OPRM1: variants seen among roughly 807,000 people sequenced by gnomAD.
The protein encoded by OPRM1 is opioid receptor mu 1.
In OPRM1, 27 loss-of-function variants were observed where a neutral mutation model predicts 31.8. The ratio of observed to expected loss-of-function variants is 0.85; its 90% CI spans 0.63 to 1.17. The LOEUF (loss-of-function observed/expected upper bound fraction) is 1.17, where lower values mean the gene tolerates loss of function less well. OPRM1 is among the 50% of genes most tolerant of loss of function. OPRM1 has a pLI of 0.00. For synonymous variants in OPRM1, 196 were observed against 189.9 expected (o/e 1.03, Z -0.26); for missense variants, 536 against 511.1 (o/e 1.05, Z -0.47).
chr6:154,028,416 G>C (rs1252486800), intron 1 of OPRM1, among the ~76,000 whole-genome samples: 1 of 152,128 alleles, frequency 6.6e-6, no homozygotes, highest in Admixed American at 6.5e-5. Flanking sequence ...ATCTCTCTTG[G>C]AACTGTGAGC....
rs199564389 is a variant in OPRM1, at chr6:154,090,082, C to G, written c.547C>G (p.Pro183Ala). The G allele has an allele frequency of 3.1e-6, 5 of 1,614,106 alleles. No individual in the cohort carries two copies. The Admixed American group carries it at 5.0e-5, about 16-fold the overall frequency. Residue 183 changes from proline to alanine, a missense_variant, in exon 2 of 4, where the codon CCC becomes GCC. Transcript: ENST00000330432. ...TGTCAAGGCCTTAGATTTCCGTACT[C>G]CCCGAAATGCCAAAATTATCAATGT... ...HPVKALDFRT[P>A]RNAKIINVCN...
chr6:154,096,926 T>C (rs1484069529), intron 3 of OPRM1, among the ~76,000 whole-genome samples: 3 of 152,324 alleles, frequency 2.0e-5, no homozygotes, highest in East Asian at 3.9e-4. Context: ...AGAATCTGCC[T>C]TTTAAATAAA....
chr6:154,053,256 C>T (rs1195428368), intron 1 of OPRM1, among the ~76,000 whole-genome samples: 1 of 152,202 alleles, frequency 6.6e-6, no homozygotes, highest in African/African-American at 2.4e-5. Context: ...AAAATGGAAA[C>T]TGTCATCTGC....
At chr6:154,029,659 G>C (rs1041054901) in intron 1 of OPRM1, among the ~76,000 whole-genome samples, 1 of 152,154 alleles carries the variant, frequency 6.6e-6, no homozygotes, top group Admixed American at 6.5e-5. Flanking sequence ...GTTTGGCTGT[G>C]TCCTGACCCA....
chr6:154,216,228 GATAA>G (rs1271001278), intron 3 of OPRM1, among the ~76,000 whole-genome samples: 6 of 151,838 alleles, frequency 4.0e-5, no homozygotes, highest in South Asian at 4.2e-4. Context: ...TAAGAAAATG[GATAA>G]ATAAATTATT....
intron 3 of OPRM1, among the ~76,000 whole-genome samples, chr6:154,242,879 C>T (rs1780706164): frequency 1.1e-5 from 1 of 90,692 alleles, no homozygotes; most frequent in South Asian, 4.5e-4. Flanking sequence ...TAGAGCAAGA[C>T]TCCGTCTCAA....
chr6:154,199,939 G>A (rs149710643), intron 3 of OPRM1: 1 of 1,614,232 alleles, frequency 6.2e-7, no homozygotes, highest in Non-Finnish European at 8.5e-7. Context: ...TAGATAAGGA[G>A]GAAGGAAAAC....
Position 154,119,874 on chromosome 6 carries a change from C to T in OPRM1, c.*1153C>T, listed in dbSNP as rs1797206892. Among the ~76,000 whole-genome samples, 1 of 152,198 alleles carries T rather than the reference C, an allele frequency of 6.6e-6. No homozygotes were observed. Among genetic ancestry groups the T allele is most frequent in the African/African-American group, 2.4e-5 (1 of 41,462 alleles). On this transcript the variant is annotated 3_prime_UTR_variant, in exon 4 of 4. Coordinates refer to ENST00000330432, the MANE Select transcript of OPRM1 (RefSeq NM_000914.5). Reference sequence around the variant, plus strand: ...GAAGATTGTGTTTATATAATGTCATCACCAATATTTTGGTCTTTTTGATCT... The same window carrying T: ...GAAGATTGTGTTTATATAATGTCATTACCAATATTTTGGTCTTTTTGATCT...
Position 154,148,395 on chromosome 6 carries a change from G to A in OPRM1, c.1164+56923G>A, listed in dbSNP as rs147600389. Among the ~76,000 whole-genome samples, 548 of 152,308 alleles carry A rather than the reference G, an allele frequency of 3.6e-3. 1 individual carries two copies. Among genetic ancestry groups the A allele is most frequent in the African/African-American group, 0.012 (481 of 41,576 alleles). ...GACTCTGCATTGACTTTTGTTATTA[G>A]CAGGCAAGCCATCCAGCAGCAGCAG... is the stretch of plus-strand genomic sequence containing the variant. On this transcript the variant is annotated intron_variant, in intron 3 of 3. Coordinates refer to the OPRM1 transcript ENST00000337049.
intron 3 of OPRM1, among the ~76,000 whole-genome samples, chr6:154,178,635 A>T (rs555347019): frequency 2.6e-5 from 4 of 152,248 alleles, no homozygotes; most frequent in Non-Finnish European, 5.9e-5. Flanking sequence ...TGTTGGGGTA[A>T]CCAGACATGA....
At chr6:154,059,716 GA>G (rs1173815334) in intron 1 of OPRM1, among the ~76,000 whole-genome samples, 1 of 152,082 alleles carries the variant, frequency 6.6e-6, no homozygotes, top group East Asian at 1.9e-4. Flanking sequence ...ATACTCATGT[GA>G]CATACAGTAG....
intron 3 of OPRM1, among the ~76,000 whole-genome samples, chr6:154,103,286 G>A (rs980743121): frequency 6.6e-6 from 1 of 152,148 alleles, no homozygotes; most frequent in African/African-American, 2.4e-5. Flanking sequence ...AGAATATTTA[G>A]CTTTGTACAA....
chr6:154,214,806 G>T (rs1209565248), intron 3 of OPRM1, among the ~76,000 whole-genome samples: 1 of 152,132 alleles, frequency 6.6e-6, no homozygotes, highest in South Asian at 2.1e-4. Context: ...ATTCCTTGAA[G>T]AATTTTATGT....
chr6:154,224,378 T>C (rs551786461), intron 3 of OPRM1, among the ~76,000 whole-genome samples: 7 of 152,278 alleles, frequency 4.6e-5, no homozygotes, highest in African/African-American at 1.4e-4. Flanking sequence ...TCAACTTATC[T>C]AAATTATTCA....
intron 3 of OPRM1, among the ~76,000 whole-genome samples, chr6:154,210,198 AC>A (rs1019700527): frequency 1.3e-5 from 2 of 152,198 alleles, no homozygotes; most frequent in Non-Finnish European, 2.9e-5. Context: ...CTTTTATTTC[AC>A]CAGTGTGTTC....
intron 3 of OPRM1, among the ~76,000 whole-genome samples, chr6:154,220,952 C>T (rs1469534653): frequency 6.6e-6 from 1 of 152,204 alleles, no homozygotes; most frequent in African/African-American, 2.4e-5. Context: ...TTACATAATA[C>T]TTTCAAGCCT....
chr6:154,137,724 G>C (rs896247596), intron 3 of OPRM1, among the ~76,000 whole-genome samples: 3 of 152,086 alleles, frequency 2.0e-5, no homozygotes, highest in African/African-American at 7.2e-5. Flanking sequence ...TATACCATGA[G>C]AGTTCAGAAG....
intron 1 of OPRM1, among the ~76,000 whole-genome samples, chr6:154,031,696 G>A (rs962280998): frequency 6.6e-6 from 1 of 152,096 alleles, no homozygotes; most frequent in Non-Finnish European, 1.5e-5. Context: ...AGCCGAGATC[G>A]CGCCATTGCA....
Position 154,019,090 on chromosome 6 carries a change from T to A in OPRM1, c.-1+8072T>A, listed in dbSNP as rs1778185465. 2.0e-5 allele frequency among the ~76,000 whole-genome samples: 3 copies of A among 152,092 alleles called. No individual in the cohort carries two copies. In the South Asian group the frequency reaches 6.2e-4, roughly 31 times the overall value. On this transcript the variant is annotated intron_variant, in intron 1 of 5. Transcript: ENST00000434900. ...ATCGAGCACCCAACCTCTCGCGCAT[T>A]TATTTTTGTGTTACAAACAATCCAA...
Sources: allele counts gnomAD v4.1 joint callset (sites outside exome capture counted in the v4.1 genomes callset), GRCh38; gene constraint gnomAD v4.1.1; transcripts MANE v1.5; gene names NCBI Gene and HGNC (gene_info 2026-07-23, HGNC 2026-07-21).